The following LRRC8D variants were observed in gnomAD, a reference collection of about 807,000 sequenced individuals.
LRRC8D encodes leucine rich repeat containing 8 VRAC subunit D.
In LRRC8D, 20 loss-of-function variants were observed where a neutral mutation model predicts 55.8. That is an observed-to-expected ratio of 0.36 (90% CI 0.25 to 0.52). LRRC8D has a LOEUF of 0.52. Among genes scored for constraint, LRRC8D ranks in the 20% least tolerant of loss-of-function variants. The pLI, the probability that LRRC8D is intolerant of heterozygous loss-of-function variation, is 0.93. For synonymous variants in LRRC8D, 352 were observed against 377.0 expected (o/e 0.93, Z 0.77); for missense variants, 651 against 1,030.8 (o/e 0.63, Z 5.05).
chr1:89,898,070 G>T (rs1006661167), intron 2 of LRRC8D, among the ~76,000 whole-genome samples: 32 of 152,194 alleles, frequency 2.1e-4, no homozygotes, highest in African/African-American at 7.5e-4. Flanking sequence ...CTGAACCTCT[G>T]TATGTGGTTT....
At chr1:89,902,017 A>G (rs1662869428) in intron 2 of LRRC8D, among the ~76,000 whole-genome samples, 2 of 152,244 alleles carry the variant, frequency 1.3e-5, no homozygotes, top group South Asian at 4.1e-4. Flanking sequence ...ATTTCTCTAT[A>G]GCACTTTCTA....
At chr1:89,843,849 G>C (rs1030233454) in intron 2 of LRRC8D, 67 bp downstream of exon 2, 1 of 587,256 alleles carries the variant, frequency 1.7e-6, no homozygotes, top group Non-Finnish European at 3.1e-6. Flanking sequence ...CACTGCTAGT[G>C]TCGGATCTGC....
chr1:89,849,413 AC>A (rs1241440398), intron 2 of LRRC8D, among the ~76,000 whole-genome samples: 1 of 152,036 alleles, frequency 6.6e-6, no homozygotes, highest in African/African-American at 2.4e-5. Flanking sequence ...ATATATGCGT[AC>A]TAGGAACTGC....
At chr1:89,844,265 G>T (rs1661218434) in intron 2 of LRRC8D, among the ~76,000 whole-genome samples, 2 of 152,202 alleles carry the variant, frequency 1.3e-5, no homozygotes, top group Non-Finnish European at 2.9e-5. Flanking sequence ...GTGTAAGGTG[G>T]ACAGGAGAAA....
chr1:89,852,471 T>G (rs1441221195), intron 2 of LRRC8D, among the ~76,000 whole-genome samples: 1 of 152,064 alleles, frequency 6.6e-6, no homozygotes, highest in Non-Finnish European at 1.5e-5. Context: ...TCCCCGCCCC[T>G]CCGTCATCCC....
intron 2 of LRRC8D, among the ~76,000 whole-genome samples, chr1:89,849,558 A>G (rs954336520): frequency 6.6e-6 from 1 of 151,950 alleles, no homozygotes; most frequent in Non-Finnish European, 1.5e-5. Flanking sequence ...TACCTAATCA[A>G]TTATAATTAT....
At chr1:89,831,852 A>G (rs1384084324) in intron 1 of LRRC8D, among the ~76,000 whole-genome samples, 1 of 152,206 alleles carries the variant, frequency 6.6e-6, no homozygotes, top group Non-Finnish European at 1.5e-5. Flanking sequence ...GCATAGGGGA[A>G]AGCTGGCTAT....
At chr1:89,821,703 G>C (rs1660637874) in intron 1 of LRRC8D, among the ~76,000 whole-genome samples, 2 of 152,232 alleles carry the variant, frequency 1.3e-5, no homozygotes, top group South Asian at 4.1e-4. Context: ...TTTGGTGTCT[G>C]GCCTTGCTGG....
rs140991199 is a variant in LRRC8D, at chr1:89,831,098, G to A, written c.-148+9807G>A. Among the ~76,000 whole-genome samples, 1,171 of 151,978 alleles carry A rather than the reference G, an allele frequency of 7.7e-3. 11 individuals carry two copies. The highest frequency in any genetic ancestry group is 0.027 in the African/African-American group (1,122 of 41,424). On this transcript the variant is annotated intron_variant, in intron 1 of 2. Transcript: ENST00000337338. ...TCTTTGTATTTTTAGGAGAGAGGGG[G>A]TTTCGCCATGTTGGCCAGGCTGGTC...
intron 1 of LRRC8D, among the ~76,000 whole-genome samples, chr1:89,823,980 T>G (rs530163370): frequency 1.3e-5 from 2 of 152,338 alleles, no homozygotes; most frequent in South Asian, 4.1e-4. Context: ...TCAGTGGTGT[T>G]AATCATTTGC....
At chr1:89,897,987 T>C (rs1662756441) in intron 2 of LRRC8D, among the ~76,000 whole-genome samples, 1 of 152,098 alleles carries the variant, frequency 6.6e-6, no homozygotes, top group Admixed American at 6.5e-5. Flanking sequence ...GCACAGCAGA[T>C]AACAGAAGGA....
chr1:89,843,340 G>C lies in LRRC8D; in HGVS notation c.-147-298G>C, dbSNP rs141664546. ...GTCCATTGATCTAGGTACTTGTGGG[G>C]AGGGGAGAACCCGAGCAGCAGCTGC... is the stretch of plus-strand genomic sequence containing the variant. On this transcript the variant is annotated intron_variant, in intron 1 of 2. Transcript: ENST00000337338. 2.6e-3 allele frequency: 632 copies of C among 240,992 alleles called. 5 individuals carry two copies. The highest frequency in any genetic ancestry group is 0.014 in the African/African-American group (596 of 44,116). The allele number at this position is 240,992 out of a possible 1,614,324, so 14.9% of individuals were successfully genotyped here.
intron 2 of LRRC8D, among the ~76,000 whole-genome samples, chr1:89,844,789 G>A (rs917767804): frequency 2.6e-5 from 4 of 152,128 alleles, no homozygotes; most frequent in African/African-American, 9.7e-5. Context: ...TTGTTTTACC[G>A]CCTGTTTATC....
chr1:89,931,337 T>C (rs1388763952), intron 2 of LRRC8D, among the ~76,000 whole-genome samples: 2 of 150,580 alleles, frequency 1.3e-5, no homozygotes, highest in African/African-American at 2.4e-5. Flanking sequence ...AAAGTACTAA[T>C]GCCACCTTTC....
At chr1:89,929,438 T>C (rs957147922) in intron 2 of LRRC8D, among the ~76,000 whole-genome samples, 5 of 152,148 alleles carry the variant, frequency 3.3e-5, no homozygotes, top group Non-Finnish European at 4.4e-5. Context: ...AAGGGACCCA[T>C]GGCAAGATGG....
At chr1:89,835,826 T>G (rs143278995) in intron 1 of LRRC8D, among the ~76,000 whole-genome samples, 1 of 152,368 alleles carries the variant, frequency 6.6e-6, no homozygotes, top group Non-Finnish European at 1.5e-5. Flanking sequence ...TTATTGTCAT[T>G]AATTCTGCAG....
chr1:89,852,349 G>A (rs1039397922), intron 2 of LRRC8D, among the ~76,000 whole-genome samples: 5 of 152,158 alleles, frequency 3.3e-5, no homozygotes, highest in African/African-American at 1.2e-4. Context: ...CCCCTTAGTA[G>A]CTGTCCTACC....
intron 1 of LRRC8D, among the ~76,000 whole-genome samples, chr1:89,821,605 C>T (rs1272272197): frequency 6.6e-6 from 1 of 152,152 alleles, no homozygotes; most frequent in African/African-American, 2.4e-5. Flanking sequence ...ACCCCTCGCG[C>T]GCGCTCCCTT....
intron 2 of LRRC8D, among the ~76,000 whole-genome samples, chr1:89,858,313 G>C (rs190237970): frequency 6.6e-6 from 1 of 152,278 alleles, no homozygotes; most frequent in East Asian, 1.9e-4. Context: ...GGGTGGGGTG[G>C]AGAGGGGATG....
Sources: allele counts gnomAD v4.1 joint callset (sites outside exome capture counted in the v4.1 genomes callset), GRCh38; gene constraint gnomAD v4.1.1; transcripts MANE v1.5; gene names NCBI Gene and HGNC (gene_info 2026-07-23, HGNC 2026-07-21).